The following SLC24A2 variants were observed in gnomAD, a reference collection of about 807,000 sequenced individuals.
SLC24A2 encodes the protein sodium/potassium/calcium exchanger 2.
A neutral mutation model predicts 62.0 loss-of-function variants in SLC24A2; 36 were observed. The ratio of observed to expected loss-of-function variants is 0.58; its 90% CI spans 0.44 to 0.77. The LOEUF is 0.77. Ranked by LOEUF, SLC24A2 falls within the 30% of genes least tolerant of loss-of-function variation. The probability of loss-of-function intolerance (pLI) is 0.00; values close to 1 mark genes in which losing one functional copy is unlikely to be tolerated. For synonymous variants in SLC24A2, 358 were observed against 294.0 expected (o/e 1.22, Z -2.23); for missense variants, 846 against 817.9 (o/e 1.03, Z -0.42).
chr9:19,695,148 C>T (rs2118490282), intron 2 of SLC24A2, among the ~76,000 whole-genome samples: 2 of 152,158 alleles, frequency 1.3e-5, no homozygotes, highest in Middle Eastern at 3.4e-3. Context: ...GTGCTACTGG[C>T]ATCTAGTGGG....
Position 19,512,852 on chromosome 9 carries a change from G to A in SLC24A2, c.*3301C>T, listed in dbSNP as rs1832768623. On this transcript the variant is annotated 3_prime_UTR_variant, in exon 11 of 11. Coordinates refer to ENST00000341998, the MANE Select transcript of SLC24A2 (RefSeq NM_020344.4). ...ATTTTTGCTTTGTATTTTCTGTTGT[G>A]TATTCTTTGCCTCTATATCAGCATT... The A allele has an allele frequency of 6.6e-6, 1 of 151,960 alleles. No homozygotes were observed. The highest frequency in any genetic ancestry group is 1.5e-5 in the Non-Finnish European group (1 of 67,992). The allele number at this position is 151,960 out of a possible 1,614,324, so 9.4% of individuals were successfully genotyped here.
the SLC24A2 span, among the ~76,000 whole-genome samples, chr9:19,844,137 C>T: frequency 5.9e-5 from 9 of 152,180 alleles, no homozygotes; most frequent in Non-Finnish European, 1.0e-4. Flanking sequence ...TTTACATTGC[C>T]ACCAACAGTG....
chr9:20,135,424 G>T, the SLC24A2 span, among the ~76,000 whole-genome samples: 4 of 151,192 alleles, frequency 2.6e-5, no homozygotes, highest in Admixed American at 2.6e-4. Context: ...AAAGCCAGAT[G>T]TCAGTTCCAA....
chr9:20,102,678 T>C, the SLC24A2 span, among the ~76,000 whole-genome samples: 1 of 151,348 alleles, frequency 6.6e-6, no homozygotes, highest in African/African-American at 2.4e-5. Context: ...AAAAAAGACA[T>C]TTCCAAAAAA....
At chr9:19,728,613 G>A (rs1821244214) in intron 2 of SLC24A2, among the ~76,000 whole-genome samples, 1 of 152,020 alleles carries the variant, frequency 6.6e-6, no homozygotes, top group Non-Finnish European at 1.5e-5. Context: ...CTCAGAACAG[G>A]CATGTATAAT....
chr9:19,589,008 A>G (rs1187754261), intron 5 of SLC24A2, among the ~76,000 whole-genome samples: 2 of 152,176 alleles, frequency 1.3e-5, no homozygotes, highest in African/African-American at 2.4e-5. Flanking sequence ...TGTTAGTGTG[A>G]GCATAAATTG....
the SLC24A2 span, among the ~76,000 whole-genome samples, chr9:19,821,187 G>A: frequency 6.6e-6 from 1 of 151,952 alleles, no homozygotes; most frequent in Non-Finnish European, 1.5e-5. Context: ...TGCACTGTGA[G>A]GATTCAGAAA....
At chr9:19,580,736 T>C (rs1209101887) in intron 5 of SLC24A2, among the ~76,000 whole-genome samples, 1 of 152,202 alleles carries the variant, frequency 6.6e-6, no homozygotes, top group Non-Finnish European at 1.5e-5. Context: ...TCTCTCACTG[T>C]CTCTGCTGGG....
chr9:20,236,066 A>C, the SLC24A2 span, among the ~76,000 whole-genome samples: 1 of 152,198 alleles, frequency 6.6e-6, no homozygotes, highest in African/African-American at 2.4e-5. Flanking sequence ...GCTTTATAGA[A>C]GGTTTCATTA....
At chr9:19,883,729 C>T in the SLC24A2 span, among the ~76,000 whole-genome samples, 4 of 152,002 alleles carry the variant, frequency 2.6e-5, no homozygotes, top group South Asian at 4.2e-4. Flanking sequence ...CCATGCCTGG[C>T]GAATTTTTTG....
At chr9:19,976,250 T>C in the SLC24A2 span, among the ~76,000 whole-genome samples, 1 of 152,226 alleles carries the variant, frequency 6.6e-6, no homozygotes, top group East Asian at 1.9e-4. Context: ...GGTATTGATA[T>C]GGTTTGTCTC....
chr9:20,292,662 A>AAT, the SLC24A2 span, among the ~76,000 whole-genome samples: 3 of 152,078 alleles, frequency 2.0e-5, no homozygotes, highest in African/African-American at 2.4e-5. Context: ...TTGGAGTGCA[A>AAT]TGGCACAAAC....
rs1337284256 is a variant in SLC24A2, at chr9:19,508,754, A to G, written c.*7399T>C. On this transcript the variant is annotated 3_prime_UTR_variant, in exon 11 of 11. Transcript: ENST00000341998. ...GGCTACACTGAGCTATGATTGCACCACTGCACTCTAGCCTGGGTGACAGAG... is the reference window on the plus strand; with the variant it reads ...GGCTACACTGAGCTATGATTGCACCGCTGCACTCTAGCCTGGGTGACAGAG... 1 of 152,032 alleles carries G rather than the reference A, an allele frequency of 6.6e-6. No homozygotes were observed. Among genetic ancestry groups the G allele is most frequent in the Non-Finnish European group, 1.5e-5 (1 of 68,036 alleles). The allele number at this position is 152,032 out of a possible 1,614,324, so 9.4% of individuals were successfully genotyped here.
At chr9:20,092,761 G>T in the SLC24A2 span, among the ~76,000 whole-genome samples, 1 of 152,104 alleles carries the variant, frequency 6.6e-6, no homozygotes, top group African/African-American at 2.4e-5. Context: ...CACAAAATTT[G>T]CTGTCTCATC....
At chr9:20,098,123 T>A in the SLC24A2 span, among the ~76,000 whole-genome samples, 16,950 of 152,064 alleles carry the variant, frequency 0.11, 1,018 homozygotes, top group Middle Eastern at 0.17. Flanking sequence ...GACTCAAGGG[T>A]CAAAGTAGAG....
At chr9:20,297,448 G>A in the SLC24A2 span, among the ~76,000 whole-genome samples, 1 of 152,202 alleles carries the variant, frequency 6.6e-6, no homozygotes, top group Admixed American at 6.5e-5. Context: ...AGGGGAAGGT[G>A]GGATGGGAGG....
the SLC24A2 span, among the ~76,000 whole-genome samples, chr9:19,814,019 T>C: frequency 1.3e-5 from 2 of 152,182 alleles, no homozygotes; most frequent in African/African-American, 4.8e-5. Flanking sequence ...GCATTTCCTA[T>C]AGTTCTAGTG....
chr9:20,271,995 G>A, the SLC24A2 span, among the ~76,000 whole-genome samples: 51 of 152,248 alleles, frequency 3.3e-4, no homozygotes, highest in East Asian at 7.0e-3. Flanking sequence ...CTATTAGATC[G>A]CATTCACTTT....
At chr9:19,875,746 G>A in the SLC24A2 span, among the ~76,000 whole-genome samples, 1 of 152,180 alleles carries the variant, frequency 6.6e-6, no homozygotes, top group Non-Finnish European at 1.5e-5. Flanking sequence ...CATATTGAAA[G>A]GAATGATGAA....
Sources: gnomAD v4.1 joint callset for allele counts (sites outside exome capture counted in the v4.1 genomes callset) on GRCh38, gnomAD v4.1.1 for gene constraint, MANE v1.5 for transcripts, NCBI Gene and HGNC (gene_info 2026-07-23, HGNC 2026-07-21) for gene names.